The following EBF3 variants were observed in gnomAD, a reference collection of about 807,000 sequenced individuals.
EBF3 encodes transcription factor COE3.
EBF3 carries 18 observed loss-of-function variants against 77.1 expected under a neutral mutation model. That is an observed-to-expected ratio of 0.23 (90% CI 0.16 to 0.35). EBF3 has a LOEUF of 0.35. Among genes scored for constraint, EBF3 ranks in the 10% least tolerant of loss-of-function variants. The pLI is 1.00. For missense variants in EBF3, 558 were observed against 860.0 expected, an observed-to-expected ratio of 0.65 and a Z score of 4.39; for synonymous variants, 350 against 343.5, an observed-to-expected ratio of 1.02 and a Z score of -0.21.
intron 6 of EBF3, among the ~76,000 whole-genome samples, chr10:129,942,926 G>C (rs564379968): frequency 6.6e-6 from 1 of 152,184 alleles, no homozygotes; most frequent in Non-Finnish European, 1.5e-5. Flanking sequence ...GCCAGATCAC[G>C]CGTTGACATT....
chr10:129,903,492 C>T (rs1854928486), intron 6 of EBF3, among the ~76,000 whole-genome samples: 1 of 152,244 alleles, frequency 6.6e-6, no homozygotes, highest in South Asian at 2.1e-4. Flanking sequence ...GATAGCATCA[C>T]ACCCTTACAA....
rs1353219285 is a variant in EBF3, at chr10:129,836,729, CACA to C, written c.*1211_*1213del. The C allele has an allele frequency of 6.6e-6, 1 of 152,382 alleles. No individual in the cohort carries two copies. The highest frequency in any genetic ancestry group is 1.5e-5 in the Non-Finnish European group (1 of 68,022). 9.4% of individuals were successfully genotyped at this position (152,382 alleles called of 1,614,324 possible). ...TCTTGGCTAATGCTCTTCCCAGTAT[CACA>C]ACACCAGGCCGTGATCAAAAACCAA... is the stretch of plus-strand genomic sequence containing the variant. On this transcript the variant is annotated 3_prime_UTR_variant, in exon 17 of 17. Transcript: ENST00000440978.
In EBF3 at chr10:129,963,146, T is replaced by C. The variant is rs1859657144; in HGVS notation, c.292-141A>G. 6 of 1,248,536 alleles carry C rather than the reference T, an allele frequency of 4.8e-6. No individual in the cohort carries two copies. In the South Asian group the frequency reaches 7.7e-5, roughly 16 times the overall value. 77.3% of individuals were successfully genotyped at this position (1,248,536 alleles called of 1,614,324 possible). On this transcript the variant is annotated intron_variant, in intron 2 of 16. Transcript: ENST00000440978. This position sits in a 1 kb window ranked among gnomAD's most constrained non-coding sequence, Gnocchi z 7.1. ...TCGAAGCAGCGCGGTGATGTCACTT[T>C]CCTGCTGGAAGCCCAGCGTTCTCCT... is the stretch of plus-strand genomic sequence containing the variant.
At chr10:129,850,919 G>C (rs1329364645) in intron 10 of EBF3, among the ~76,000 whole-genome samples, 1 of 152,188 alleles carries the variant, frequency 6.6e-6, no homozygotes, top group Non-Finnish European at 1.5e-5. Flanking sequence ...AAGCACCGGG[G>C]CCTCACACAC....
Position 129,964,163 on chromosome 10 carries a change from G to T in EBF3, c.-395C>A. ...GCCTGCTCCAAAGACAAATAAACGG[G>T]GCAGTGAGTGCTGCGGCGCAGTCCC... is the stretch of plus-strand genomic sequence containing the variant. On this transcript the variant is annotated 5_prime_UTR_variant, in exon 1 of 17. Coordinates refer to ENST00000440978, the MANE Select transcript of EBF3 (RefSeq NM_001375380.1). The surrounding 1 kb of genome is among the most constrained non-coding windows in gnomAD (Gnocchi z 4.5). The T allele has an allele frequency of 2.0e-6, 2 of 984,956 alleles. No homozygotes were observed. Among genetic ancestry groups the T allele is most frequent in the Non-Finnish European group, 2.4e-6 (2 of 829,794 alleles). 61.0% of individuals were successfully genotyped at this position (984,956 alleles called of 1,614,324 possible).
intron 6 of EBF3, among the ~76,000 whole-genome samples, chr10:129,887,911 T>C (rs1174811222): frequency 6.6e-6 from 1 of 152,176 alleles, no homozygotes; most frequent in Non-Finnish European, 1.5e-5. Context: ...TCCTCATAGA[T>C]GCTCAGTCCC....
Position 129,964,268 on chromosome 10 carries a change from G to A in EBF3, c.-500C>T. On this transcript the variant is annotated 5_prime_UTR_variant, in exon 1 of 17. Coordinates refer to ENST00000440978, the MANE Select transcript of EBF3 (RefSeq NM_001375380.1). This position sits in a 1 kb window ranked among gnomAD's most constrained non-coding sequence, Gnocchi z 4.5. ...GCACAAAACTCAGCCCTCTCTCCCC[G>A]AGGAATGGACCCTTTCCCGGGAGCC... The A allele has an allele frequency of 3.0e-6, 3 of 985,030 alleles. No individual in the cohort carries two copies. Among genetic ancestry groups the A allele is most frequent in the South Asian group, 4.7e-5 (1 of 21,292 alleles). The allele number at this position is 985,030 out of a possible 1,614,324, so 61.0% of individuals were successfully genotyped here. A position where few individuals can be genotyped will look rare whatever the true frequency, so the allele number is the denominator to read the frequency against.
rs536134865 is a variant in EBF3 at position 129,842,678 on chromosome 10, C to T, written c.1195-385G>A. Among the ~76,000 whole-genome samples, 3 of 150,522 alleles carry T rather than the reference C, an allele frequency of 2.0e-5. No individual in the cohort carries two copies. Among genetic ancestry groups the T allele is most frequent in the Non-Finnish European group, 2.9e-5 (2 of 67,870 alleles). The stretch of plus-strand genomic sequence containing the variant: ...ACTCGGGAGCCTGAGGCAGGAGAAT[C>T]GCTTGAACCTGGGAGGTGGAGGTTG... On this transcript the variant is annotated intron_variant, in intron 12 of 16. Coordinates refer to ENST00000440978, the MANE Select transcript of EBF3 (RefSeq NM_001375380.1). The surrounding 1 kb of genome is among the most constrained non-coding windows in gnomAD (Gnocchi z 4.4).
intron 6 of EBF3, among the ~76,000 whole-genome samples, chr10:129,913,115 G>A (rs1855636275): frequency 1.3e-5 from 2 of 152,234 alleles, no homozygotes; most frequent in South Asian, 4.1e-4. Flanking sequence ...CTTTGTTCGA[G>A]CTAGGCATTT....
chr10:129,868,512 G>A (rs1260164131), intron 8 of EBF3, among the ~76,000 whole-genome samples: 1 of 152,342 alleles, frequency 6.6e-6, no homozygotes, highest in East Asian at 1.9e-4. Flanking sequence ...TCCCCGCGCC[G>A]CTGGCGTGAC....
chr10:129,843,402 G>T, intron 11 of EBF3, 200 bp from the exon 12 acceptor site: 1 of 533,488 alleles, frequency 1.9e-6, no homozygotes, highest in Non-Finnish European at 3.3e-6. Context: ...CCTTTACAAG[G>T]AGGCTGAATA....
At chr10:129,902,876 C>T (rs1418789688) in intron 6 of EBF3, among the ~76,000 whole-genome samples, 2 of 152,206 alleles carry the variant, frequency 1.3e-5, no homozygotes, top group East Asian at 1.9e-4. Context: ...AGCCAGCTTC[C>T]GCCCACCCTG....
At chr10:129,945,997 T>C (rs1394792384) in intron 6 of EBF3, among the ~76,000 whole-genome samples, 1 of 150,824 alleles carries the variant, frequency 6.6e-6, no homozygotes, top group Non-Finnish European at 1.5e-5. Flanking sequence ...TTAGAAGATA[T>C]CGCTACTATT....
chr10:129,906,170 C>T (rs4751145), intron 6 of EBF3, among the ~76,000 whole-genome samples: 126,050 of 152,224 alleles, frequency 0.83, 52,437 homozygotes, highest in East Asian at 0.93. Flanking sequence ...CAGTTGATTT[C>T]AAAGCTTAAT....
At chr10:129,892,763 T>C (rs1854108710) in intron 6 of EBF3, among the ~76,000 whole-genome samples, 1 of 152,202 alleles carries the variant, frequency 6.6e-6, no homozygotes, top group Non-Finnish European at 1.5e-5. Context: ...CTGAGCAGGG[T>C]TAACCTAATA....
chr10:129,926,840 G>A (rs991421197), intron 6 of EBF3, among the ~76,000 whole-genome samples: 1 of 152,228 alleles, frequency 6.6e-6, no homozygotes, highest in Admixed American at 6.5e-5. Flanking sequence ...GCCACGGCCA[G>A]CACTGCCCAC....
In EBF3 at chr10:129,848,364, G is replaced by A. The variant is rs1850623809; in HGVS notation, c.1128+28C>T. 2 of 1,607,644 alleles carry A rather than the reference G, an allele frequency of 1.2e-6. No homozygotes were observed. Among genetic ancestry groups the A allele is most frequent in the Admixed American group, 3.3e-5 (2 of 59,996 alleles). ...CAGCCCAGTGGCGGCCCCACCATGA[G>A]CGGGGTGCCACTTGCTCTTTTACTA... On this transcript the variant is annotated intron_variant, in intron 11 of 16. Coordinates refer to ENST00000440978, the MANE Select transcript of EBF3 (RefSeq NM_001375380.1). The surrounding 1 kb of genome is among the most constrained non-coding windows in gnomAD (Gnocchi z 4.4).
intron 6 of EBF3, among the ~76,000 whole-genome samples, chr10:129,925,824 C>T (rs1332191216): frequency 3.3e-5 from 5 of 151,972 alleles, no homozygotes; most frequent in Non-Finnish European, 5.9e-5. Flanking sequence ...ACAAAGCCCA[C>T]GCACCACGTA....
chr10:129,934,442 C>A (rs1857225252), intron 6 of EBF3, among the ~76,000 whole-genome samples: 1 of 151,958 alleles, frequency 6.6e-6, no homozygotes, highest in Non-Finnish European at 1.5e-5. Context: ...GTGGCTCTAA[C>A]TAAGGCACCT....
Sources: allele counts gnomAD v4.1 joint callset (sites outside exome capture counted in the v4.1 genomes callset), GRCh38; gene constraint gnomAD v4.1.1; non-coding constraint Gnocchi (gnomAD v3.1); transcripts MANE v1.5; gene names NCBI Gene and HGNC (gene_info 2026-07-23, HGNC 2026-07-21).